LARGE1: variants seen among roughly 807,000 people sequenced by gnomAD.
LARGE1 encodes the protein LARGE xylosyl- and glucuronyltransferase 1.
Under a neutral mutation model 87.6 loss-of-function variants are expected in LARGE1, and 43 were observed. That is an observed-to-expected ratio of 0.49 (90% CI 0.38 to 0.63). LARGE1 has a LOEUF of 0.63. Among genes scored for constraint, LARGE1 ranks in the 30% least tolerant of loss-of-function variants. The pLI, the probability that LARGE1 is intolerant of heterozygous loss-of-function variation, is 0.00. For synonymous variants in LARGE1, 434 were observed against 394.6 expected (o/e 1.10, Z -1.18); for missense variants, 802 against 1,000.2 (o/e 0.80, Z 2.67).
intron 5 of LARGE1, among the ~76,000 whole-genome samples, chr22:33,601,071 AAAAC>A (rs774693884): frequency 2.6e-5 from 4 of 152,266 alleles, no homozygotes; most frequent in South Asian, 2.1e-4. Flanking sequence ...CTCTGTCTGC[AAAAC>A]AAACAAACAA....
chr22:33,611,343 AG>A (rs1428584239), intron 4 of LARGE1, among the ~76,000 whole-genome samples: 1 of 152,246 alleles, frequency 6.6e-6, no homozygotes, highest in Non-Finnish European at 1.5e-5. Flanking sequence ...TTCCTGCCCA[AG>A]GCTTTGGGAG....
At chr22:33,790,640 T>C (rs1258072034) in intron 1 of LARGE1, among the ~76,000 whole-genome samples, 1 of 152,194 alleles carries the variant, frequency 6.6e-6, no homozygotes, top group African/African-American at 2.4e-5. Context: ...GCTTAGAGAT[T>C]TCCATCTATC....
intron 6 of LARGE1, among the ~76,000 whole-genome samples, chr22:33,464,851 A>G (rs912429231): frequency 1.3e-5 from 2 of 149,376 alleles, no homozygotes; most frequent in African/African-American, 5.1e-5. Context: ...ACGCACACAT[A>G]CACACACACT....
chr22:33,108,339 C>T, the LARGE1 span, among the ~76,000 whole-genome samples: 5 of 152,170 alleles, frequency 3.3e-5, no homozygotes, highest in Non-Finnish European at 7.3e-5. Context: ...GAGACAGACA[C>T]GTGCAACTGA....
chr22:33,787,762 C>A (rs1485991179), intron 1 of LARGE1, among the ~76,000 whole-genome samples: 1 of 152,174 alleles, frequency 6.6e-6, no homozygotes, highest in Non-Finnish European at 1.5e-5. Context: ...TTAGTGTGTC[C>A]TTACAGCCCT....
intron 11 of LARGE1, among the ~76,000 whole-genome samples, chr22:33,216,165 G>A (rs1416483918): frequency 2.0e-5 from 3 of 152,102 alleles, no homozygotes; most frequent in Non-Finnish European, 4.4e-5. Flanking sequence ...ATGTGCCTGG[G>A]TCTAGTTCTC....
At chr22:33,315,681 G>T (rs1245474970) in intron 11 of LARGE1, among the ~76,000 whole-genome samples, 2 of 151,934 alleles carry the variant, frequency 1.3e-5, no homozygotes. Context: ...CCAGGCTGGA[G>T]TGCAGTGTCA....
intron 1 of LARGE1, among the ~76,000 whole-genome samples, chr22:33,907,220 C>T (rs1020188386): frequency 1.9e-4 from 29 of 152,292 alleles, no homozygotes; most frequent in African/African-American, 7.0e-4. Flanking sequence ...CTAAGCAAAC[C>T]TATTCATGCA....
intron 6 of LARGE1, among the ~76,000 whole-genome samples, chr22:33,474,014 T>C (rs1000755476): frequency 6.6e-6 from 1 of 152,220 alleles, no homozygotes; most frequent in Non-Finnish European, 1.5e-5. Flanking sequence ...GAAAGGAGGT[T>C]GGTCTGCCTT....
chr22:33,430,299 G>GTCA (rs1208180531), intron 7 of LARGE1, among the ~76,000 whole-genome samples: 1 of 152,132 alleles, frequency 6.6e-6, no homozygotes, highest in African/African-American at 2.4e-5. Context: ...ACCTAACATG[G>GTCA]TGCCTGGCTA....
At chr22:33,815,552 C>A (rs1400172119) in intron 1 of LARGE1, among the ~76,000 whole-genome samples, 1 of 152,148 alleles carries the variant, frequency 6.6e-6, no homozygotes, top group African/African-American at 2.4e-5. Flanking sequence ...TTGATGGTGG[C>A]TTCTACAACC....
intron 1 of LARGE1, among the ~76,000 whole-genome samples, chr22:33,890,296 A>C (rs2064970826): frequency 6.6e-6 from 1 of 152,140 alleles, no homozygotes; most frequent in Non-Finnish European, 1.5e-5. Flanking sequence ...TGTTTATTCC[A>C]TCTTAGGGTT....
At chr22:33,621,322 A>G (rs2079745393) in intron 4 of LARGE1, among the ~76,000 whole-genome samples, 3 of 152,138 alleles carry the variant, frequency 2.0e-5, no homozygotes, top group Admixed American at 2.0e-4. Context: ...GTCTTCCCAC[A>G]TTGTATTAAT....
intron 1 of LARGE1, among the ~76,000 whole-genome samples, chr22:33,868,523 C>T (rs1484266041): frequency 1.3e-5 from 2 of 151,852 alleles, no homozygotes; most frequent in Non-Finnish European, 2.9e-5. Flanking sequence ...CATTACTGTC[C>T]CTCACTTCCC....
intron 10 of LARGE1, among the ~76,000 whole-genome samples, chr22:33,331,833 C>T (rs547655408): frequency 2.0e-5 from 3 of 152,110 alleles, no homozygotes; most frequent in African/African-American, 7.2e-5. Context: ...TCCCACCCAC[C>T]AAGTTTACCC....
At chr22:33,779,257 C>G (rs978465946) in intron 1 of LARGE1, among the ~76,000 whole-genome samples, 5 of 152,154 alleles carry the variant, frequency 3.3e-5, no homozygotes, top group Admixed American at 3.3e-4. Context: ...TTATATATGT[C>G]TGGCTCTATG....
chr22:33,530,870 C>A (rs530377971), intron 6 of LARGE1, among the ~76,000 whole-genome samples: 1 of 152,286 alleles, frequency 6.6e-6, no homozygotes, highest in South Asian at 2.1e-4. Flanking sequence ...TTCTTTGCTA[C>A]TAAAAGAACA....
chr22:33,206,387 T>G (rs68072541), intron 11 of LARGE1, among the ~76,000 whole-genome samples: 1 of 152,222 alleles, frequency 6.6e-6, no homozygotes, highest in East Asian at 1.9e-4. Flanking sequence ...CCACCGTGAC[T>G]GACCAAATTG....
intron 7 of LARGE1, among the ~76,000 whole-genome samples, chr22:33,411,833 T>C (rs1449575286): frequency 6.6e-6 from 1 of 152,248 alleles, no homozygotes; most frequent in East Asian, 1.9e-4. Flanking sequence ...TACACCATTG[T>C]ATTAATGTAG....
Sources: gnomAD v4.1 joint callset for allele counts (sites outside exome capture counted in the v4.1 genomes callset) on GRCh38, gnomAD v4.1.1 for gene constraint, MANE v1.5 for transcripts, NCBI Gene and HGNC (gene_info 2026-07-23, HGNC 2026-07-21) for gene names.